The following C2 variants were observed in gnomAD, a reference collection of about 807,000 sequenced individuals.
The protein encoded by C2 is C3/C5 convertase.
In C2, 64 loss-of-function variants were observed where a neutral mutation model predicts 85.2. The ratio of observed to expected loss-of-function variants is 0.75; its 90% CI spans 0.61 to 0.92. C2 has a LOEUF of 0.92. Among genes scored for constraint, C2 ranks in the 40% least tolerant of loss-of-function variants. The pLI is 0.00. For missense variants in C2, 820 were observed against 971.6 expected (o/e 0.84, Z 2.07); for synonymous variants, 311 against 370.8 (o/e 0.84, Z 1.85).
upstream of C2, chr6:31,927,666 T>A (rs904698598): frequency 1.3e-5 from 21 of 1,611,636 alleles, no homozygotes; most frequent in Non-Finnish European, 1.8e-5. This position sits in a 1 kb window ranked among gnomAD's most constrained non-coding sequence, Gnocchi z 4.7. Flanking sequence ...ATGAAGCAGC[T>A]GCTGACCCAG....
At chr6:31,936,221 G>A in intron 7 of C2, 160 bp downstream of exon 7, 1 of 736,512 alleles carries the variant, frequency 1.4e-6, no homozygotes, top group Non-Finnish European at 2.3e-6. Context: ...TTATGGTGGG[G>A]GAGTCCAGCT....
In C2 at chr6:31,928,748, C is replaced by T; in HGVS notation, c.273C>T (p.Ala91=). ...TCTCTCCAGCTGTGCGCTGTCCAGCCCCTGTCTCCTTTGAGAATGGCATTT... is the reference window on the plus strand; with the variant it reads ...TCTCTCCAGCTGTGCGCTGTCCAGCTCCTGTCTCCTTTGAGAATGGCATTT... The part of the protein sequence containing the change: ...KAVCKPVRCP[A]PVSFENGIYT... The change falls in exon 3 of 18, where the codon GCC becomes GCT. Residue 91 remains alanine, a synonymous_variant. Coordinates refer to ENST00000299367, the MANE Select transcript of C2 (RefSeq NM_000063.6). The T allele has an allele frequency of 6.2e-7, 1 of 1,614,224 alleles. No individual in the cohort carries two copies. Among genetic ancestry groups the T allele is most frequent in the East Asian group, 2.2e-5 (1 of 44,888 alleles).
Position 31,943,669 on chromosome 6 carries a change from A to T in C2, c.1593A>T (p.Lys531Asn). 1 of 1,613,088 alleles carries T rather than the reference A, an allele frequency of 6.2e-7. No homozygotes were observed. Residue 531 changes from lysine (K) to asparagine (N), a missense_variant, in exon 13 of 18, where the codon AAA (lysine) becomes AAT (asparagine). By Grantham distance (94) the Lys-to-Asn change is moderately conservative. Coordinates refer to ENST00000299367, the MANE Select transcript of C2 (RefSeq NM_000063.6). This position sits in a 1 kb window ranked among gnomAD's most constrained non-coding sequence, Gnocchi z 6.4. ...GAGACCCCAAATCCCAGTGGGGCAAAGAATTCCTTATTGAGAAGGCGGTGA... is the reference window on the plus strand; with the variant it reads ...GAGACCCCAAATCCCAGTGGGGCAATGAATTCCTTATTGAGAAGGCGGTGA... ...NVGDPKSQWG[K>N]EFLIEKAVIS... is the part of the protein sequence containing the mutation.
intron 1 of C2, among the ~76,000 whole-genome samples, chr6:31,909,249 G>C (rs1767928238): frequency 6.6e-6 from 1 of 151,844 alleles, no homozygotes; most frequent in South Asian, 2.1e-4. Context: ...ATATACCTAG[G>C]AGTGGAACTG....
In C2 at chr6:31,943,265, C is replaced by T; in HGVS notation, c.1401C>T (p.Asn467=). 1 of 1,613,050 alleles carries T rather than the reference C, an allele frequency of 6.2e-7. No homozygotes were observed. Among genetic ancestry groups the T allele is most frequent in the Non-Finnish European group, 8.5e-7 (1 of 1,180,016 alleles). ...CAGACACCATCTGCGGGGTGGGGAACATGTCAGCAAACGCCTCTGACCAGG... is the reference window on the plus strand; with the variant it reads ...CAGACACCATCTGCGGGGTGGGGAATATGTCAGCAAACGCCTCTGACCAGG... ...KLTDTICGVG[N]MSANASDQER... is the part of the protein sequence containing the mutation. Residue 467 remains asparagine (N), a synonymous_variant, in exon 11 of 18, where the codon AAC becomes AAT. Transcript: ENST00000299367. The surrounding 1 kb of genome is among the most constrained non-coding windows in gnomAD (Gnocchi z 6.4).
Position 31,943,243 on chromosome 6 carries a change from A to T in C2, c.1379A>T (p.Asp460Val), listed in dbSNP as rs1338660649. Residue 460 changes from aspartate to valine, a missense_variant, in exon 11 of 18, where the codon GAC (aspartate) becomes GTC (valine). By Grantham distance (152) the Asp-to-Val change is radical. Coordinates refer to ENST00000299367, the MANE Select transcript of C2 (RefSeq NM_000063.6). The surrounding 1 kb of genome is among the most constrained non-coding windows in gnomAD (Gnocchi z 6.4). ...EHMLDVSKLT[D>V]TICGVGNMSA... The stretch of plus-strand genomic sequence containing the variant: ...CCCACAGATGTCTCCAAGCTCACAG[A>T]CACCATCTGCGGGGTGGGGAACATG... 1 of 1,612,882 alleles carries T rather than the reference A, an allele frequency of 6.2e-7. No homozygotes were observed. Among genetic ancestry groups the T allele is most frequent in the African/African-American group, 1.3e-5 (1 of 74,900 alleles).
chr6:31,934,998 A>G, intron 6 of C2: 1 of 746,556 alleles, frequency 1.3e-6, no homozygotes, highest in Non-Finnish European at 1.6e-6. Flanking sequence ...ACTAGAGCAA[A>G]ACTCTGTCTC....
chr6:31,932,024 C>T (rs1769836234), intron 3 of C2, among the ~76,000 whole-genome samples: 1 of 128,908 alleles, frequency 7.8e-6, no homozygotes, highest in Admixed American at 7.5e-5. Context: ...GACAGAGTGG[C>T]TGGCCGGGCA....
rs1771044672 is a variant in C2 at position 31,943,306 on chromosome 6, A to G, written c.1442A>G (p.His481Arg). The G allele has an allele frequency of 1.2e-6, 2 of 1,612,728 alleles. No homozygotes were observed. The highest frequency in any genetic ancestry group is 1.7e-6 in the Non-Finnish European group (2 of 1,179,720). ...TCTGACCAGGAGAGGACACCCTGGC[A>G]TGTCACTATTAAGGTACCAGGAAGG... is the stretch of plus-strand genomic sequence containing the variant. ...NASDQERTPWHVTIKPKSQET... is the reference protein window; with the variant it reads ...NASDQERTPWRVTIKPKSQET... Residue 481 changes from histidine (H) to arginine (R), a missense_variant, in exon 11 of 18, where the codon CAT becomes CGT. By Grantham distance (29) the His-to-Arg change is conservative (BLOSUM62 0). Transcript: ENST00000299367. This position sits in a 1 kb window ranked among gnomAD's most constrained non-coding sequence, Gnocchi z 6.4.
chr6:31,900,088 G>C (rs200929541), upstream of C2: 72 of 1,608,078 alleles, frequency 4.5e-5, no homozygotes, highest in East Asian at 1.6e-3. The surrounding 1 kb of genome is among the most constrained non-coding windows in gnomAD (Gnocchi z 9.7). Flanking sequence ...AGTGCAGGTT[G>C]AGGTGGTCGT....
rs937300749 is a variant in C2 at position 31,935,533 on chromosome 6, G to A, written c.850-390G>A. 6.3e-5 allele frequency: 18 copies of A among 287,968 alleles called. No individual in the cohort carries two copies. The highest frequency in any genetic ancestry group is 1.3e-3 in the Middle Eastern group (1 of 792). 17.8% of individuals were successfully genotyped at this position (287,968 alleles called of 1,614,324 possible). ...CACCCAGGCTGGAGTACAGTGGTGC[G>A]ATCTCAGCTCACTGCAAACTTTGCC... On this transcript the variant is annotated intron_variant, in intron 6 of 17. Coordinates refer to ENST00000299367, the MANE Select transcript of C2 (RefSeq NM_000063.6). This position sits in a 1 kb window ranked among gnomAD's most constrained non-coding sequence, Gnocchi z 4.3.
chr6:31,939,370 T>C (rs550605), intron 9 of C2, 50 bp downstream of exon 9: 132,936 of 1,348,218 alleles, frequency 0.099, 7,578 homozygotes, highest in African/African-American at 0.19. Context: ...GCAGAGGTCA[T>C]GAGATCTTCA....
upstream of C2, among the ~76,000 whole-genome samples, chr6:31,922,911 G>A (rs1010357699): frequency 6.6e-6 from 1 of 152,130 alleles, no homozygotes; most frequent in African/African-American, 2.4e-5. This position sits in a 1 kb window ranked among gnomAD's most constrained non-coding sequence, Gnocchi z 4.8. Context: ...ACAGAATTGG[G>A]GTATTGGTTT....
At chr6:31,931,009 A>T (rs531345199) in intron 3 of C2, among the ~76,000 whole-genome samples, 2 of 152,268 alleles carry the variant, frequency 1.3e-5, no homozygotes, top group East Asian at 1.9e-4. Context: ...GTCTCCATGG[A>T]CTAGGTACCT....
chr6:31,901,394 C>T (rs1767253723), intron 1 of C2: 3 of 1,386,676 alleles, frequency 2.2e-6, no homozygotes, highest in South Asian at 1.4e-5. Context: ...CCAGGACCCT[C>T]GCCCCCATTC....
At chr6:31,928,602 C>G in intron 2 of C2, 130 bp from the exon 3 acceptor site, 1 of 886,824 alleles carries the variant, frequency 1.1e-6, no homozygotes, top group Non-Finnish European at 1.8e-6. Context: ...ATGTTGCAAC[C>G]TAATATTTCA....
intron 1 of C2, chr6:31,901,434 G>A: frequency 2.8e-6 from 3 of 1,054,600 alleles, no homozygotes; most frequent in South Asian, 1.7e-5. Context: ...CCGATCTCCC[G>A]GTCTTCAGAT....
chr6:31,945,247 G>A lies in C2; in HGVS notation c.2149G>A (p.Ala717Thr), dbSNP rs747042729. ...TGCTGACAAAAACTCCCGCAAAAGG[G>A]CCCCTCGTAGCAAGGTCCCGCCGCC... ...GSADKNSRKR[A>T]PRSKVPPPRD... The change falls in exon 18 of 18, where the codon GCC becomes ACC. Residue 717 changes from alanine to threonine, a missense_variant. Physicochemically the swap from Ala to Thr is moderately conservative, Grantham distance 58. Coordinates refer to ENST00000299367, the MANE Select transcript of C2 (RefSeq NM_000063.6). The surrounding 1 kb of genome is among the most constrained non-coding windows in gnomAD (Gnocchi z 5.3). 5.6e-6 allele frequency: 9 copies of A among 1,612,768 alleles called. No individual in the cohort carries two copies. The highest frequency in any genetic ancestry group is 2.7e-5 in the African/African-American group (2 of 74,848).
At chr6:31,925,396 G>T (rs1467842165), upstream of C2, among the ~76,000 whole-genome samples, 1 of 151,870 alleles carries the variant, frequency 6.6e-6, no homozygotes, top group Non-Finnish European at 1.5e-5. Context: ...GGGTTCAAGC[G>T]ATTCTCCTAC....
Sources: allele counts gnomAD v4.1 joint callset (sites outside exome capture counted in the v4.1 genomes callset), GRCh38; gene constraint gnomAD v4.1.1; non-coding constraint Gnocchi (gnomAD v3.1); transcripts MANE v1.5; gene names NCBI Gene and HGNC (gene_info 2026-07-23, HGNC 2026-07-21).